The following RBM10 variants were observed in gnomAD, a reference collection of about 807,000 sequenced individuals.
RBM10 encodes RNA binding motif protein 10.
A neutral mutation model predicts 84.9 loss-of-function variants in RBM10; 1 was observed. The ratio of observed to expected loss-of-function variants is 0.01; its 90% CI spans 0.00 to 0.06. The LOEUF is 0.06. Ranked by LOEUF, RBM10 falls within the 10% of genes least tolerant of loss-of-function variation. The pLI, the probability that RBM10 is intolerant of heterozygous loss-of-function variation, is 1.00. For missense variants in RBM10, 438 were observed against 839.0 expected (o/e 0.52, Z 5.90); for synonymous variants, 326 against 344.5 (o/e 0.95, Z 0.60).
intron 4 of RBM10, 136 bp from the exon 5 acceptor site, chrX:47,172,992 A>G: frequency 8.7e-7 from 1 of 1,151,645 alleles, no homozygotes. Flanking sequence ...CACTCAGGGA[A>G]AAGCTGCGAA....
intron 2 of RBM10, chrX:47,156,917 G>T: frequency 4.7e-6 from 1 of 214,690 alleles, no homozygotes; most frequent in Non-Finnish European, 8.9e-6. Context: ...CTGTGCTCTG[G>T]TCTTGGAAAA....
intron 2 of RBM10, among the ~76,000 whole-genome samples, chrX:47,162,445 C>A: frequency 8.9e-6 from 1 of 111,846 alleles, no homozygotes; most frequent in Middle Eastern, 4.6e-3. Context: ...TAGTACAATA[C>A]TATATTATTT....
At chrX:47,179,671 G>A (rs928952366) in intron 9 of RBM10, 176 bp downstream of exon 9, 46 of 757,780 alleles carry the variant, frequency 6.1e-5, no homozygotes, top group Non-Finnish European at 8.3e-5. Flanking sequence ...GACTTTGGGG[G>A]TGTGTCGGGA....
At chrX:47,160,522 GAA>G (rs1933589155) in intron 2 of RBM10, among the ~76,000 whole-genome samples, 1 of 110,237 alleles carries the variant, frequency 9.1e-6, no homozygotes, top group African/African-American at 3.3e-5. Context: ...AATCATCAGA[GAA>G]ATGCAAATCA....
chrX:47,168,180 G>C (rs971982722), intron 2 of RBM10, among the ~76,000 whole-genome samples: 1 of 111,664 alleles, frequency 9.0e-6, no homozygotes, highest in Non-Finnish European at 1.9e-5. Flanking sequence ...CTGAGTGCTA[G>C]GGAATATGGC....
intron 2 of RBM10, among the ~76,000 whole-genome samples, chrX:47,158,987 T>C (rs1933418257): frequency 8.9e-6 from 1 of 112,846 alleles, no homozygotes; most frequent in African/African-American, 3.2e-5. Context: ...TCTATATGGC[T>C]GTGAAGGACA....
At chrX:47,185,397 G>A (rs1556781755) in intron 19 of RBM10, 30 bp downstream of exon 19, 8 of 1,181,038 alleles carry the variant, frequency 6.8e-6, no homozygotes, top group Non-Finnish European at 9.1e-6. Flanking sequence ...AGGGGCGGGG[G>A]CTCTGATCTG....
At position 47,186,373 on chromosome X, in the gene RBM10, G is replaced by C. The variant is rs1427309179; in HGVS notation, c.2653G>C (p.Val885Leu). Residue 885 changes from valine (V) to leucine (L), a missense_variant, in exon 23 of 24, where the codon GTA becomes CTA. Val to Leu is a conservative substitution (Grantham distance 32). Coordinates refer to ENST00000377604, the MANE Select transcript of RBM10 (RefSeq NM_005676.5). ...SGLGRKKQGI[V>L]TPIEAQTRVR... ...CCTGGGCCGCAAGAAGCAGGGCATT[G>C]TAACGCCTATCGAGGTGAGTCTCAG... The C allele has an allele frequency of 8.4e-7, 1 of 1,195,239 alleles. No individual in the cohort carries two copies. The highest frequency in any genetic ancestry group is 1.7e-5 in the African/African-American group (1 of 57,388).
chrX:47,149,209 G>C (rs1932569876), intron 2 of RBM10, among the ~76,000 whole-genome samples: 1 of 111,366 alleles, frequency 9.0e-6, no homozygotes, highest in Non-Finnish European at 1.9e-5. Context: ...TTTGTTTTGA[G>C]ACAGGGTGTC....
At chrX:47,154,744 A>C (rs60606541) in intron 2 of RBM10, among the ~76,000 whole-genome samples, 10,506 of 109,958 alleles carry the variant, frequency 0.096, 1,291 homozygotes, top group African/African-American at 0.33. Context: ...AGCCACCATG[A>C]TGGCCCAGTT....
At position 47,180,520 on chromosome X, in the gene RBM10, T is replaced by A. The variant is rs2147180968; in HGVS notation, c.1248+14T>A. 8.3e-7 allele frequency: 1 copy of A among 1,209,018 alleles called. No individual in the cohort carries two copies. Among genetic ancestry groups the A allele is most frequent in the Non-Finnish European group, 1.1e-6 (1 of 894,638 alleles). On this transcript the variant is annotated intron_variant, in intron 12 of 23. Transcript: ENST00000377604. ...GCCATCTCACAGGTACTCAGACCCC[T>A]TGTGCCTCCCAGCGTCCTGAGACCT...
intron 6 of RBM10, among the ~76,000 whole-genome samples, chrX:47,175,426 G>A (rs1302492088): frequency 3.6e-5 from 4 of 110,530 alleles, no homozygotes; most frequent in African/African-American, 1.3e-4. Flanking sequence ...GGGCTGGTGG[G>A]GGGGGCACCC....
chrX:47,146,873 GA>G (rs1391639267), intron 1 of RBM10, among the ~76,000 whole-genome samples: 2 of 111,383 alleles, frequency 1.8e-5, no homozygotes, highest in African/African-American at 6.5e-5. Context: ...CCTTATAGGG[GA>G]CAGCCAGCAG....
In RBM10 at chrX:47,185,219, C is replaced by T. The variant is rs373338776; in HGVS notation, c.2100+15C>T. 21 of 1,210,492 alleles carry T rather than the reference C, an allele frequency of 1.7e-5. No homozygotes were observed. The highest frequency in any genetic ancestry group is 1.9e-5 in the Non-Finnish European group (17 of 894,857). ...TCGAGAAGAAGGTGTGTTGGGGCCA[C>T]CCCCCTGCACCCTGCCCCACAATCT... is the stretch of plus-strand genomic sequence containing the variant. On this transcript the variant is annotated intron_variant, in intron 18 of 23. Transcript: ENST00000377604.
chrX:47,183,313 G>C (rs960116118), intron 17 of RBM10, among the ~76,000 whole-genome samples: 2 of 111,835 alleles, frequency 1.8e-5, no homozygotes, highest in Admixed American at 1.9e-4. Context: ...CTGAGGTCAG[G>C]AGTTTGAGAC....
At chrX:47,168,808 G>A (rs1934427721) in intron 2 of RBM10, among the ~76,000 whole-genome samples, 1 of 111,049 alleles carries the variant, frequency 9.0e-6, no homozygotes, top group Admixed American at 9.6e-5. Flanking sequence ...ATGGGTTTGA[G>A]TGGCTTTGCC....
rs782730454 is a variant in RBM10, at chrX:47,185,343, G to A, written c.2142G>A (p.Pro714=). 61 of 1,205,999 alleles carry A rather than the reference G, an allele frequency of 5.1e-5. No individual in the cohort carries two copies. The highest frequency in any genetic ancestry group is 7.1e-5 in the South Asian group (4 of 56,088). ...AERQHTSMDL[P]KLASDDRPSP... is the part of the protein sequence containing the mutation. Reference sequence around the variant, plus strand: ...GACAGCACACCAGCATGGATCTCCCGAAATTGGCCAGTGACGACCGCCCAG... The same window carrying A: ...GACAGCACACCAGCATGGATCTCCCAAAATTGGCCAGTGACGACCGCCCAG... The change falls in exon 19 of 24, where the codon CCG becomes CCA. Residue 714 remains proline, a synonymous_variant. Transcript: ENST00000377604.
At position 47,186,812 on chromosome X, in the gene RBM10, C is replaced by T; in HGVS notation, c.*213C>T. On this transcript the variant is annotated 3_prime_UTR_variant, in exon 24 of 24. Transcript: ENST00000377604. ...TTTGTAATAAAAGCTGAAAAGTCTG[C>T]ATGTTGGCCTCTCCTCTTTCTCGTG... The T allele has an allele frequency of 1.5e-5, 7 of 474,301 alleles. No individual in the cohort carries two copies. The South Asian group carries it at 1.8e-4, about 12-fold the overall frequency. The allele number at this position is 474,301 out of a possible 1,213,427, so 39.1% of individuals were successfully genotyped here. A position where few individuals can be genotyped will look rare whatever the true frequency, so the allele number is the denominator to read the frequency against.
At chrX:47,156,161 T>A (rs1469522317) in intron 2 of RBM10, among the ~76,000 whole-genome samples, 2 of 111,048 alleles carry the variant, frequency 1.8e-5, no homozygotes, top group Non-Finnish European at 3.8e-5. Flanking sequence ...ACATATTTAC[T>A]TCTAAGTTTC....
Sources: allele counts gnomAD v4.1 joint callset (sites outside exome capture counted in the v4.1 genomes callset), GRCh38; gene constraint gnomAD v4.1.1; transcripts MANE v1.5; gene names NCBI Gene and HGNC (gene_info 2026-07-23, HGNC 2026-07-21).